The following MROH1 variants were observed in gnomAD, a reference collection of about 807,000 sequenced individuals.
The protein encoded by MROH1 is maestro heat like repeat family member 1.
In MROH1, 117 loss-of-function variants were observed where a neutral mutation model predicts 116.5. The observed-to-expected ratio is 1.00, with a 90% CI of 0.86 to 1.17. MROH1 has a LOEUF of 1.17. Among genes scored for constraint, MROH1 ranks in the 50% most tolerant of loss-of-function variants. The pLI, the probability that MROH1 is intolerant of heterozygous loss-of-function variation, is 0.00. For synonymous variants in MROH1, 921 were observed against 583.9 expected (o/e 1.58, Z -8.32); for missense variants, 1,873 against 1,338.5 (o/e 1.40, Z -6.23).
intron 32 of MROH1, 70 bp from the exon 33 acceptor site, chr8:144,250,142 G>A (rs1275736007): frequency 1.4e-6 from 1 of 724,532 alleles, no homozygotes; most frequent in Admixed American, 1.9e-5. Flanking sequence ...CCACCCCCTT[G>A]GGCTGGCGTA....
chr8:144,254,482 G>T, intron 33 of MROH1: 1 of 279,744 alleles, frequency 3.6e-6, no homozygotes, highest in Admixed American at 4.8e-5. Flanking sequence ...ACGTCCTGAG[G>T]CCTGGGCCAG....
chr8:144,237,072 AT>A lies in MROH1; in HGVS notation c.1339-1678del, dbSNP rs1440849141. ...AGGCGCCCGCCACCACGCCCGGCTAATTTTTTGTATTTTTAGTAGAGACGGG... is the reference window on the plus strand; with the variant it reads ...AGGCGCCCGCCACCACGCCCGGCTAATTTTTGTATTTTTAGTAGAGACGGG... On this transcript the variant is annotated intron_variant, in intron 14 of 43. Coordinates refer to ENST00000326134, the MANE Select transcript of MROH1 (RefSeq NM_032450.3). 7.3e-5 allele frequency among the ~76,000 whole-genome samples: 11 copies of A among 151,088 alleles called. No homozygotes were observed. The South Asian group carries it at 1.1e-3, about 14-fold the overall frequency.
chr8:144,229,549 T>G (rs1309050566), intron 14 of MROH1, among the ~76,000 whole-genome samples: 1 of 151,994 alleles, frequency 6.6e-6, no homozygotes, highest in African/African-American at 2.4e-5. Context: ...CCAGCTAATT[T>G]TTGTTTTGTT....
chr8:144,218,615 C>G (rs529625480), intron 12 of MROH1, among the ~76,000 whole-genome samples: 1 of 148,356 alleles, frequency 6.7e-6, no homozygotes, highest in South Asian at 2.2e-4. Context: ...AACAGAAATT[C>G]TGAACTTCAC....
intron 3 of MROH1, among the ~76,000 whole-genome samples, chr8:144,167,730 G>A (rs1334766827): frequency 6.6e-6 from 1 of 152,184 alleles, no homozygotes; most frequent in African/African-American, 2.4e-5. Context: ...GGTCCATGGG[G>A]ACTGAGAGCC....
At chr8:144,226,431 C>T (rs1428435161) in intron 14 of MROH1, among the ~76,000 whole-genome samples, 1 of 152,012 alleles carries the variant, frequency 6.6e-6, no homozygotes, top group Non-Finnish European at 1.5e-5. Context: ...TCAGCAGTAC[C>T]ACACTGTCTT....
At chr8:144,148,389 G>A (rs1192339574) in intron 1 of MROH1, among the ~76,000 whole-genome samples, 3 of 151,870 alleles carry the variant, frequency 2.0e-5, no homozygotes, top group Non-Finnish European at 4.4e-5. Flanking sequence ...CCCGGTGCCC[G>A]CCCCTCCGCG....
chr8:144,230,730 TAAG>T (rs1425670520), intron 14 of MROH1, among the ~76,000 whole-genome samples: 1 of 151,754 alleles, frequency 6.6e-6, no homozygotes, highest in Admixed American at 6.6e-5. Flanking sequence ...AATTCTTCTT[TAAG>T]AAGAATTCTT....
intron 12 of MROH1, among the ~76,000 whole-genome samples, chr8:144,219,388 G>C (rs1320275386): frequency 6.6e-6 from 1 of 152,078 alleles, no homozygotes; most frequent in Non-Finnish European, 1.5e-5. Flanking sequence ...GAACTCCTGG[G>C]CTCAAGTGAT....
At chr8:144,206,289 C>T (rs112771700) in intron 12 of MROH1, among the ~76,000 whole-genome samples, 3,068 of 152,292 alleles carry the variant, frequency 0.02, 90 homozygotes, top group African/African-American at 0.068. Flanking sequence ...GAGGACCCTT[C>T]GTGAGCGTAG....
chr8:144,196,290 C>CAAA (rs35458137), intron 10 of MROH1, among the ~76,000 whole-genome samples: 2 of 129,072 alleles, frequency 1.5e-5, no homozygotes, highest in Non-Finnish European at 3.2e-5. Context: ...ATTCCGTCTC[C>CAAA]AAAAAAAAAA....
In MROH1 at chr8:144,259,325, A is replaced by G. The variant is rs957249160; in HGVS notation, c.4015A>G (p.Arg1339Gly). The G allele has an allele frequency of 2.8e-6, 2 of 715,032 alleles. No individual in the cohort carries two copies. The highest frequency in any genetic ancestry group is 5.2e-6 in the Non-Finnish European group (2 of 384,898). The allele number at this position is 715,032 out of a possible 1,614,324, so 44.3% of individuals were successfully genotyped here. A position where few individuals can be genotyped will look rare whatever the true frequency, so the allele number is the denominator to read the frequency against. ...ACACAGCAGTGCGTATGAGAACCAGAGGGTGACCACCACCGCCTTCCTGGC... is the reference window on the plus strand; with the variant it reads ...ACACAGCAGTGCGTATGAGAACCAGGGGGTGACCACCACCGCCTTCCTGGC... ...CTHSSAYENQ[R>G]VTTTAFLAEL... is the part of the protein sequence containing the mutation. The change falls in exon 37 of 44, where the codon AGG becomes GGG. Residue 1339 changes from arginine (R) to glycine (G), a missense_variant. Physicochemically the swap from Arg to Gly is moderately radical, Grantham distance 125. Coordinates refer to ENST00000326134, the MANE Select transcript of MROH1 (RefSeq NM_032450.3).
chr8:144,171,208 T>G (rs921798539), intron 4 of MROH1, among the ~76,000 whole-genome samples: 1 of 152,188 alleles, frequency 6.6e-6, no homozygotes, highest in African/African-American at 2.4e-5. Context: ...TGGCCTGTGC[T>G]TCTGACCGAC....
chr8:144,192,892 G>A (rs1429089357), intron 10 of MROH1: 4 of 316,388 alleles, frequency 1.3e-5, no homozygotes, highest in Non-Finnish European at 2.5e-5. Context: ...GAACGACTGA[G>A]GGATGCAGGT....
At position 144,261,749 on chromosome 8, in the gene MROH1, C is replaced by T; in HGVS notation, c.*9C>T. 1 of 706,026 alleles carries T rather than the reference C, an allele frequency of 1.4e-6. No homozygotes were observed. The highest frequency in any genetic ancestry group is 1.5e-5 in the South Asian group (1 of 67,656). The allele number at this position is 706,026 out of a possible 1,614,324, so 43.7% of individuals were successfully genotyped here. A position where few individuals can be genotyped will look rare whatever the true frequency, so the allele number is the denominator to read the frequency against. The stretch of plus-strand genomic sequence containing the variant: ...TGGTGAAGCTCGCCTAAGGCTCCGG[C>T]CAGCACCCCCAGCGAGGAGTATGCA... On this transcript the variant is annotated 3_prime_UTR_variant, in exon 44 of 44. Coordinates refer to ENST00000326134, the MANE Select transcript of MROH1 (RefSeq NM_032450.3).
intron 14 of MROH1, among the ~76,000 whole-genome samples, chr8:144,231,904 C>T (rs1453149482): frequency 6.6e-6 from 1 of 152,194 alleles, no homozygotes; most frequent in Non-Finnish European, 1.5e-5. Context: ...TTTTTATTGA[C>T]ACATGATAGA....
Position 144,168,452 on chromosome 8 carries a change from C to T in MROH1, c.168+12C>T, listed in dbSNP as rs1346291610. 6.3e-7 allele frequency: 1 copy of T among 1,593,376 alleles called. No homozygotes were observed. The highest frequency in any genetic ancestry group is 8.5e-7 in the Non-Finnish European group (1 of 1,169,660). ...GGCAGCATGACAAGGTATGTGTGCT[C>T]CTTGGTGGGGATGATGTTGTCAGGG... On this transcript the variant is annotated intron_variant, in intron 4 of 43. Transcript: ENST00000326134.
intron 7 of MROH1, among the ~76,000 whole-genome samples, chr8:144,185,456 GAAAC>G (rs1826729453): frequency 6.6e-6 from 1 of 150,692 alleles, no homozygotes; most frequent in Non-Finnish European, 1.5e-5. Flanking sequence ...AGAAAAGAGA[GAAAC>G]AAGCCAAGTG....
chr8:144,196,920 C>T (rs966217104), intron 10 of MROH1, among the ~76,000 whole-genome samples: 1 of 151,904 alleles, frequency 6.6e-6, no homozygotes, highest in African/African-American at 2.4e-5. Context: ...ATGGTGAAAC[C>T]CTGTCTCTAC....
Sources: gnomAD v4.1 joint callset for allele counts (sites outside exome capture counted in the v4.1 genomes callset) on GRCh38, gnomAD v4.1.1 for gene constraint, MANE v1.5 for transcripts, NCBI Gene and HGNC (gene_info 2026-07-23, HGNC 2026-07-21) for gene names.